The following SCHIP1 variants were observed in gnomAD, a reference collection of about 807,000 sequenced individuals.
SCHIP1 encodes the protein schwannomin-interacting protein 1.
SCHIP1 carries 8 observed loss-of-function variants against 29.7 expected under a neutral mutation model. The ratio of observed to expected loss-of-function variants is 0.27; its 90% CI spans 0.16 to 0.49. The LOEUF (loss-of-function observed/expected upper bound fraction) is 0.49. Ranked by LOEUF, SCHIP1 falls within the 20% of genes least tolerant of loss-of-function variation. The probability of loss-of-function intolerance (pLI) is 0.99; values close to 1 mark genes in which losing one functional copy is unlikely to be tolerated. For synonymous variants in SCHIP1, 76 were observed against 94.9 expected (o/e 0.80, Z 1.16); for missense variants, 193 against 294.6 (o/e 0.66, Z 2.52).
chr3:159,372,884 A>G, the SCHIP1 span, among the ~76,000 whole-genome samples: 13 of 152,226 alleles, frequency 8.5e-5, no homozygotes, highest in East Asian at 2.5e-3. Flanking sequence ...AAAGGTGAGT[A>G]GTGGCAACAG....
chr3:159,397,917 C>T, the SCHIP1 span, among the ~76,000 whole-genome samples: 13 of 152,348 alleles, frequency 8.5e-5, no homozygotes, highest in South Asian at 1.2e-3. Context: ...TGCACCCCTC[C>T]CCCAGCCTCG....
chr3:159,410,672 G>A, the SCHIP1 span, among the ~76,000 whole-genome samples: 4 of 152,054 alleles, frequency 2.6e-5, no homozygotes, highest in South Asian at 2.1e-4. Context: ...GTACACTGTC[G>A]GTAGAAATGT....
At chr3:159,478,450 T>G in the SCHIP1 span, among the ~76,000 whole-genome samples, 1 of 152,302 alleles carries the variant, frequency 6.6e-6, no homozygotes, top group Non-Finnish European at 1.5e-5. Flanking sequence ...GTATCTGTTT[T>G]TATGCCAGTA....
chr3:159,555,473 T>C, the SCHIP1 span, among the ~76,000 whole-genome samples: 1 of 152,228 alleles, frequency 6.6e-6, no homozygotes, highest in African/African-American at 2.4e-5. Context: ...TCACAGTATG[T>C]GGGAACTGAG....
At chr3:159,840,101 C>T in exon 1 of SCHIP1, 2 of 1,527,908 alleles carry the variant, frequency 1.3e-6, no homozygotes, top group Non-Finnish European at 1.7e-6. Context: ...GTTCTCTCCG[C>T]CCGCCGGTGG....
chr3:159,403,398 A>G, the SCHIP1 span, among the ~76,000 whole-genome samples: 1 of 152,082 alleles, frequency 6.6e-6, no homozygotes, highest in South Asian at 2.1e-4. Context: ...AGTGGACAGA[A>G]AAAACAGTCT....
At chr3:159,896,414 A>G (rs2109558292) in intron 6 of SCHIP1, among the ~76,000 whole-genome samples, 1 of 152,360 alleles carries the variant, frequency 6.6e-6, no homozygotes, top group South Asian at 2.1e-4. Context: ...ATATTTGTTG[A>G]TAAAAGTATC....
At chr3:159,347,042 A>G in the SCHIP1 span, among the ~76,000 whole-genome samples, 1 of 152,036 alleles carries the variant, frequency 6.6e-6, no homozygotes, top group Non-Finnish European at 1.5e-5. Flanking sequence ...GCAGCTTCAC[A>G]TCTCACTGGC....
At chr3:159,635,028 A>G in the SCHIP1 span, among the ~76,000 whole-genome samples, 1 of 152,126 alleles carries the variant, frequency 6.6e-6, no homozygotes, top group African/African-American at 2.4e-5. Flanking sequence ...TCGTCTTTGT[A>G]TTATAAGAAG....
At chr3:159,662,236 C>G in the SCHIP1 span, among the ~76,000 whole-genome samples, 1 of 152,156 alleles carries the variant, frequency 6.6e-6, no homozygotes, top group African/African-American at 2.4e-5. Context: ...GGGAATGACA[C>G]AGCAGTAGGG....
At chr3:159,777,557 A>C in the SCHIP1 span, among the ~76,000 whole-genome samples, 2 of 152,298 alleles carry the variant, frequency 1.3e-5, no homozygotes, top group Non-Finnish European at 2.9e-5. Flanking sequence ...CAGTTCAAAA[A>C]TTGATTTGTT....
the SCHIP1 span, among the ~76,000 whole-genome samples, chr3:159,589,368 C>T: frequency 3.2e-3 from 492 of 152,220 alleles, 4 homozygotes; most frequent in African/African-American, 0.011. Flanking sequence ...TGGGCTGAGA[C>T]GATGGGGTTT....
chr3:159,525,517 T>C, the SCHIP1 span, among the ~76,000 whole-genome samples: 12 of 152,220 alleles, frequency 7.9e-5, no homozygotes, highest in Non-Finnish European at 1.3e-4. Flanking sequence ...CAAACACATA[T>C]CTAATATAGT....
intron 1 of SCHIP1, among the ~76,000 whole-genome samples, chr3:159,843,710 C>A (rs890980176): frequency 2.0e-5 from 3 of 150,446 alleles, no homozygotes; most frequent in Non-Finnish European, 4.4e-5. Context: ...GTAGTCCCAG[C>A]TACTAGGGAG....
At chr3:159,664,917 T>C in the SCHIP1 span, among the ~76,000 whole-genome samples, 1 of 152,068 alleles carries the variant, frequency 6.6e-6, no homozygotes, top group Non-Finnish European at 1.5e-5. Flanking sequence ...ATCTACTGAA[T>C]GAAAAACTCT....
chr3:159,826,266 CA>C, the SCHIP1 span, among the ~76,000 whole-genome samples: 1 of 152,112 alleles, frequency 6.6e-6, no homozygotes, highest in Non-Finnish European at 1.5e-5. Context: ...GAATCAGGGG[CA>C]GCCGGGTGAG....
chr3:159,875,660 C>T (rs1377826418), intron 2 of SCHIP1, among the ~76,000 whole-genome samples: 1 of 152,190 alleles, frequency 6.6e-6, no homozygotes. Context: ...CAAAAGCATT[C>T]ATTGCTGCTA....
chr3:159,333,514 TACACAC>T, the SCHIP1 span, among the ~76,000 whole-genome samples: 3 of 151,220 alleles, frequency 2.0e-5, no homozygotes, highest in Non-Finnish European at 4.4e-5. Flanking sequence ...TACACAAACA[TACACAC>T]ACACACACAC....
the SCHIP1 span, among the ~76,000 whole-genome samples, chr3:159,386,280 A>G: frequency 2.0e-5 from 3 of 152,190 alleles, no homozygotes; most frequent in Non-Finnish European, 4.4e-5. Context: ...CACTGTCACA[A>G]TTGCTACAAA....
Sources: gnomAD v4.1 joint callset for allele counts (sites outside exome capture counted in the v4.1 genomes callset) on GRCh38, gnomAD v4.1.1 for gene constraint, MANE v1.5 for transcripts, NCBI Gene and HGNC (gene_info 2026-07-23, HGNC 2026-07-21) for gene names.